The following ADAM11 variants were observed in gnomAD, a reference collection of about 807,000 sequenced individuals.
ADAM11 encodes disintegrin and metalloproteinase domain-containing protein 11.
Under a neutral mutation model 119.1 loss-of-function variants are expected in ADAM11, and 49 were observed. The ratio of observed to expected loss-of-function variants is 0.41; its 90% CI spans 0.33 to 0.52. The LOEUF is 0.52. ADAM11 is among the 20% of genes least tolerant of loss of function. The pLI is 0.20. For missense variants in ADAM11, 777 were observed against 1,047.5 expected, an observed-to-expected ratio of 0.74 and a Z score of 3.56; for synonymous variants, 364 against 408.0, an observed-to-expected ratio of 0.89 and a Z score of 1.30.
At chr17:44,769,903 G>C in intron 3 of ADAM11, 79 bp from the exon 4 acceptor site, 1 of 1,606,816 alleles carries the variant, frequency 6.2e-7, no homozygotes, top group Non-Finnish European at 8.5e-7. Flanking sequence ...GAGGGGACCT[G>C]GGTCCTGACC....
intron 2 of ADAM11, 111 bp from the exon 3 acceptor site, chr17:44,769,607 T>A: frequency 1.3e-6 from 1 of 742,974 alleles, no homozygotes; most frequent in East Asian, 2.6e-5. Context: ...TCCCCTCAGC[T>A]GCTAGGGCTG....
rs902145912 is a variant in ADAM11, at chr17:44,780,364, C to T, written c.*610C>T. 2 of 342,340 alleles carry T rather than the reference C, an allele frequency of 5.8e-6. No homozygotes were observed. Among genetic ancestry groups the T allele is most frequent in the Non-Finnish European group, 1.1e-5 (2 of 177,548 alleles). The allele number at this position is 342,340 out of a possible 1,614,324, so 21.2% of individuals were successfully genotyped here. On this transcript the variant is annotated 3_prime_UTR_variant, in exon 27 of 27. Transcript: ENST00000200557. ...TCCTGTCACTGAGCACAGTCAGGGG[C>T]TGGGCATCCCAGCTTGCCCCCGCTT...
At position 44,772,575 on chromosome 17, in the gene ADAM11, A is replaced by C; in HGVS notation, c.678+109A>C. 7.2e-7 allele frequency: 1 copy of C among 1,385,106 alleles called. No homozygotes were observed. Among genetic ancestry groups the C allele is most frequent in the Non-Finnish European group, 9.8e-7 (1 of 1,017,272 alleles). The allele number at this position is 1,385,106 out of a possible 1,614,324, so 85.8% of individuals were successfully genotyped here. A position where few individuals can be genotyped will look rare whatever the true frequency, so the allele number is the denominator to read the frequency against. On this transcript the variant is annotated intron_variant, in intron 8 of 26. Coordinates refer to ENST00000200557, the MANE Select transcript of ADAM11 (RefSeq NM_002390.6). This position sits in a 1 kb window ranked among gnomAD's most constrained non-coding sequence, Gnocchi z 4.5. Reference sequence around the variant, plus strand: ...CCCTCATCTATGGCTGGGGCGAAGGAAGGCTCAGATGGATGTGGCTGGGGG... The same window carrying C: ...CCCTCATCTATGGCTGGGGCGAAGGCAGGCTCAGATGGATGTGGCTGGGGG...
intron 2 of ADAM11, among the ~76,000 whole-genome samples, chr17:44,767,936 C>G (rs2049470858): frequency 6.6e-6 from 1 of 152,238 alleles, no homozygotes; most frequent in African/African-American, 2.4e-5. Context: ...AGGGCAGACT[C>G]TGCTGGAATC....
intron 4 of ADAM11, among the ~76,000 whole-genome samples, chr17:44,770,804 T>A (rs1567690900): frequency 1.3e-5 from 2 of 152,172 alleles, no homozygotes; most frequent in African/African-American, 2.4e-5. Context: ...AGGAGTCTGA[T>A]CCCTTCCCCA....
rs1214572461 is a variant in ADAM11, at chr17:44,773,132, C to G, written c.825+47C>G. ...CCTTCCCTCCTCCTCATGCCCCCCA[C>G]CCCACCACACACATTAGGGGGCACT... On this transcript the variant is annotated intron_variant, in intron 10 of 26. Coordinates refer to ENST00000200557, the MANE Select transcript of ADAM11 (RefSeq NM_002390.6). This position sits in a 1 kb window ranked among gnomAD's most constrained non-coding sequence, Gnocchi z 4.6. 1 of 1,591,366 alleles carries G rather than the reference C, an allele frequency of 6.3e-7. No homozygotes were observed. Among genetic ancestry groups the G allele is most frequent in the African/African-American group, 1.3e-5 (1 of 74,316 alleles).
chr17:44,767,999 G>A (rs1026748996), intron 2 of ADAM11, among the ~76,000 whole-genome samples: 1 of 152,206 alleles, frequency 6.6e-6, no homozygotes, highest in Non-Finnish European at 1.5e-5. Context: ...CTCGCATCTG[G>A]GCTCATCTGA....
At chr17:44,774,898 G>A (rs2049577450) in intron 14 of ADAM11, 149 bp downstream of exon 14, 2 of 1,072,584 alleles carry the variant, frequency 1.9e-6, no homozygotes, top group Non-Finnish European at 2.6e-6. Context: ...CGCAAACACT[G>A]CCCCGGGAGA....
intron 25 of ADAM11, 124 bp from the exon 26 acceptor site, chr17:44,779,098 C>T (rs1421488831): frequency 6.2e-6 from 8 of 1,285,248 alleles, no homozygotes; most frequent in Non-Finnish European, 8.6e-6. Context: ...AGTGTCCAGG[C>T]CCCGGGGACC....
intron 2 of ADAM11, among the ~76,000 whole-genome samples, chr17:44,765,746 G>A (rs2049442833): frequency 6.7e-6 from 1 of 149,650 alleles, no homozygotes; most frequent in South Asian, 2.1e-4. Flanking sequence ...TCAGCCTCTC[G>A]AGTAACTGGG....
At position 44,772,331 on chromosome 17, in the gene ADAM11, C is replaced by T. The variant is rs1253173837; in HGVS notation, c.608C>T (p.Pro203Leu). ...LLPDPLGCREPGCLFAVPAQS... is the reference protein window; with the variant it reads ...LLPDPLGCRELGCLFAVPAQS... ...CCAGATCCCCTCGGATGCAGGGAAC[C>T]AGGTAAGGGAGGGAAGGGGGGGTGG... The change falls in exon 7 of 27, where the codon CCA becomes CTA. Residue 203 changes from proline (P) to leucine (L), a missense_variant and splice_region_variant. Physicochemically the swap from Pro to Leu is moderately conservative, Grantham distance 98. This residue lies in a region of ADAM11 where 278 missense variants were observed against 310.1 expected (regional missense o/e 0.90). Coordinates refer to ENST00000200557, the MANE Select transcript of ADAM11 (RefSeq NM_002390.6). This position sits in a 1 kb window ranked among gnomAD's most constrained non-coding sequence, Gnocchi z 4.5. 1 of 1,584,220 alleles carries T rather than the reference C, an allele frequency of 6.3e-7. No individual in the cohort carries two copies.
Position 44,779,880 on chromosome 17 carries a change from G to A in ADAM11, c.*126G>A. 1 of 1,358,836 alleles carries A rather than the reference G, an allele frequency of 7.4e-7. No individual in the cohort carries two copies. Among genetic ancestry groups the A allele is most frequent in the Non-Finnish European group, 1.0e-6 (1 of 971,892 alleles). 84.2% of individuals were successfully genotyped at this position (1,358,836 alleles called of 1,614,324 possible). A position where few individuals can be genotyped will look rare whatever the true frequency, so the allele number is the denominator to read the frequency against. On this transcript the variant is annotated 3_prime_UTR_variant, in exon 27 of 27. Coordinates refer to ENST00000200557, the MANE Select transcript of ADAM11 (RefSeq NM_002390.6). Reference sequence around the variant, plus strand: ...TCCAGGTCCAAACCCTTCAACTCCTGGCTCCGCAGGGGTTTGGGTGGGGGC... The same window carrying A: ...TCCAGGTCCAAACCCTTCAACTCCTAGCTCCGCAGGGGTTTGGGTGGGGGC...
chr17:44,779,444 C>T (rs943377162), intron 26 of ADAM11: 9 of 985,306 alleles, frequency 9.1e-6, no homozygotes, highest in African/African-American at 3.5e-5. Flanking sequence ...CGCCCTCGCC[C>T]GCTCAGGCCA....
chr17:44,780,053 C>A lies in ADAM11; in HGVS notation c.*299C>A. ...CACCTCATGGATTGCCACAGCTCAA[C>A]TCGGGGGCGCCTGGAGGGATGCCCC... On this transcript the variant is annotated 3_prime_UTR_variant, in exon 27 of 27. Coordinates refer to ENST00000200557, the MANE Select transcript of ADAM11 (RefSeq NM_002390.6). The A allele has an allele frequency of 1.5e-6, 1 of 685,376 alleles. No homozygotes were observed. Among genetic ancestry groups the A allele is most frequent in the South Asian group, 1.5e-5 (1 of 66,640 alleles). The allele number at this position is 685,376 out of a possible 1,614,324, so 42.5% of individuals were successfully genotyped here. A position where few individuals can be genotyped will look rare whatever the true frequency, so the allele number is the denominator to read the frequency against.
chr17:44,771,821 G>A lies in ADAM11; in HGVS notation c.533G>A (p.Gly178Glu), dbSNP rs746764972. 6.2e-6 allele frequency: 10 copies of A among 1,611,152 alleles called. No individual in the cohort carries two copies. The highest frequency in any genetic ancestry group is 4.4e-5 in the South Asian group (4 of 91,018). The change falls in exon 6 of 27, where the codon GGA becomes GAA. Residue 178 changes from glycine (G) to glutamate (E), a missense_variant. Physicochemically the swap from Gly to Glu is moderately conservative, Grantham distance 98 (BLOSUM62 -2). Transcript: ENST00000200557. ...VEPQEVAGPWGAPQGPLPHLI... is the reference protein window; with the variant it reads ...VEPQEVAGPWEAPQGPLPHLI... ...CCCCAAGAGGTGGCTGGACCTTGGG[G>A]AGCCCCTCAGGTAAGCCCCACACAA...
At chr17:44,766,113 CT>C (rs1265580981) in intron 2 of ADAM11, among the ~76,000 whole-genome samples, 2 of 152,168 alleles carry the variant, frequency 1.3e-5, no homozygotes, top group African/African-American at 2.4e-5. Context: ...TGTATGTCTA[CT>C]GTGTGCTTAA....
At position 44,780,249 on chromosome 17, in the gene ADAM11, G is replaced by T. The variant is rs1194372565; in HGVS notation, c.*495G>T. ...CGGGGGTGCTGGGGCCAGGGCAGAT[G>T]TGGGGATGTTTTGACATTTACAGGA... On this transcript the variant is annotated 3_prime_UTR_variant, in exon 27 of 27. Transcript: ENST00000200557. 1 of 432,346 alleles carries T rather than the reference G, an allele frequency of 2.3e-6. No individual in the cohort carries two copies. Among genetic ancestry groups the T allele is most frequent in the East Asian group, 7.0e-5 (1 of 14,386 alleles). 26.8% of individuals were successfully genotyped at this position (432,346 alleles called of 1,614,324 possible). A position where few individuals can be genotyped will look rare whatever the true frequency, so the allele number is the denominator to read the frequency against.
chr17:44,774,241 C>A, intron 11 of ADAM11, 54 bp from the exon 12 acceptor site: 1 of 1,240,674 alleles, frequency 8.1e-7, no homozygotes. Flanking sequence ...CACCACCACC[C>A]GGGGAGCCAC....
chr17:44,776,630 C>T lies in ADAM11; in HGVS notation c.1567-115C>T, dbSNP rs73984071. 1.2e-3 allele frequency: 1,563 copies of T among 1,306,648 alleles called. 9 individuals are homozygous for T. The African/African-American group carries it at 0.021, about 17-fold the overall frequency. 80.9% of individuals were successfully genotyped at this position (1,306,648 alleles called of 1,614,324 possible). On this transcript the variant is annotated intron_variant, in intron 18 of 26. Transcript: ENST00000200557. The surrounding 1 kb of genome is among the most constrained non-coding windows in gnomAD (Gnocchi z 5.2). Reference sequence around the variant, plus strand: ...ATCGCTTGTCCTAGGCGTGGAAGAGCCCTGTGGCATGAGCCCCCAATGGGG... The same window carrying T: ...ATCGCTTGTCCTAGGCGTGGAAGAGTCCTGTGGCATGAGCCCCCAATGGGG...
Sources: gnomAD v4.1 joint callset for allele counts (sites outside exome capture counted in the v4.1 genomes callset) on GRCh38, gnomAD v4.1.1 for gene constraint, gnomAD v4.1.1 regional missense constraint, Gnocchi (gnomAD v3.1) non-coding constraint, MANE v1.5 for transcripts, NCBI Gene and HGNC (gene_info 2026-07-23, HGNC 2026-07-21) for gene names.